SLC4A10: variants seen among roughly 807,000 people sequenced by gnomAD.
SLC4A10 encodes sodium-driven chloride bicarbonate exchanger.
A neutral mutation model predicts 137.7 loss-of-function variants in SLC4A10; 42 were observed. The observed-to-expected ratio is 0.30, with a 90% CI of 0.24 to 0.39. The LOEUF (loss-of-function observed/expected upper bound fraction) is 0.39, where lower values mean the gene tolerates loss of function less well. SLC4A10 is among the 10% of genes least tolerant of loss of function. The probability of loss-of-function intolerance (pLI) is 1.00; values close to 1 mark genes in which losing one functional copy is unlikely to be tolerated. For synonymous variants in SLC4A10, 474 were observed against 464.1 expected (o/e 1.02, Z -0.27); for missense variants, 925 against 1,355.0 (o/e 0.68, Z 4.98).
intron 3 of SLC4A10, among the ~76,000 whole-genome samples, chr2:161,825,100 C>T (rs576029141): frequency 7.6e-4 from 115 of 152,212 alleles, no homozygotes; most frequent in African/African-American, 2.7e-3. Flanking sequence ...ATAATATACA[C>T]ATTATGTGTT....
chr2:161,794,858 G>T (rs549488792), intron 2 of SLC4A10, among the ~76,000 whole-genome samples: 1 of 151,968 alleles, frequency 6.6e-6, no homozygotes, highest in Non-Finnish European at 1.5e-5. Context: ...GAAGAGATGC[G>T]TGTAACTGGC....
chr2:161,805,146 G>A (rs1348372466), intron 3 of SLC4A10, among the ~76,000 whole-genome samples: 1 of 152,150 alleles, frequency 6.6e-6, no homozygotes, highest in Non-Finnish European at 1.5e-5. Flanking sequence ...GGCAAAGAGA[G>A]CTTGTGCAGG....
At chr2:161,741,091 G>A (rs2047833121) in intron 1 of SLC4A10, among the ~76,000 whole-genome samples, 1 of 151,940 alleles carries the variant, frequency 6.6e-6, no homozygotes, top group Admixed American at 6.6e-5. Flanking sequence ...TGGACAACAT[G>A]CTGAAACCGT....
intron 2 of SLC4A10, among the ~76,000 whole-genome samples, chr2:161,775,615 A>T (rs970594535): frequency 6.6e-6 from 1 of 151,876 alleles, no homozygotes; most frequent in Admixed American, 6.6e-5. Flanking sequence ...ACTGAGCCTT[A>T]AACTCCAGGG....
chr2:161,771,682 T>C (rs1241108291), intron 2 of SLC4A10, among the ~76,000 whole-genome samples: 4 of 151,876 alleles, frequency 2.6e-5, no homozygotes, highest in Non-Finnish European at 4.4e-5. Flanking sequence ...TATTTCATAG[T>C]TTTTCTATGA....
chr2:161,757,866 A>T (rs2049838882), intron 1 of SLC4A10, among the ~76,000 whole-genome samples: 1 of 152,140 alleles, frequency 6.6e-6, no homozygotes, highest in Non-Finnish European at 1.5e-5. Context: ...AATAGAAAAA[A>T]TTCCATCATC....
At position 161,905,739 on chromosome 2, in the gene SLC4A10, G is replaced by A; in HGVS notation, c.1849G>A (p.Val617Ile). ...TGTGGCCACAGATGCTAGTTCCCTT[G>A]TCTGCTACATCACTCGGTTTACTGA... ...ILVATDASSL[V>I]CYITRFTEEA... Residue 617 changes from valine (V) to isoleucine (I), a missense_variant, in exon 15 of 27, where the codon GTC (valine) becomes ATC (isoleucine). Coordinates refer to ENST00000446997, the MANE Select transcript of SLC4A10 (RefSeq NM_001178015.2). 1 of 1,613,916 alleles carries A rather than the reference G, an allele frequency of 6.2e-7. No homozygotes were observed. Among genetic ancestry groups the A allele is most frequent in the Non-Finnish European group, 8.5e-7 (1 of 1,179,862 alleles).
chr2:161,884,654 G>C (rs919657506), intron 10 of SLC4A10, among the ~76,000 whole-genome samples: 5 of 152,096 alleles, frequency 3.3e-5, no homozygotes, highest in Admixed American at 2.6e-4. Context: ...TCAGAGCATG[G>C]CTTTAGGTAA....
chr2:161,800,106 T>G (rs2055207339), intron 2 of SLC4A10, among the ~76,000 whole-genome samples: 1 of 152,060 alleles, frequency 6.6e-6, no homozygotes, highest in Non-Finnish European at 1.5e-5. Flanking sequence ...AAAATAAGTG[T>G]CTGCATATCT....
intron 1 of SLC4A10, among the ~76,000 whole-genome samples, chr2:161,675,719 A>T (rs925144263): frequency 7.9e-5 from 12 of 152,286 alleles, no homozygotes; most frequent in African/African-American, 2.9e-4. Context: ...ATTTTCTGTT[A>T]AATGATTTCT....
chr2:161,882,346 C>A lies in SLC4A10; in HGVS notation c.1107-11C>A. 1.3e-6 allele frequency: 2 copies of A among 1,499,484 alleles called. No homozygotes were observed. The highest frequency in any genetic ancestry group is 2.1e-5 in the Admixed American group (1 of 46,522). The allele number at this position is 1,499,484 out of a possible 1,614,324, so 92.9% of individuals were successfully genotyped here. ...TCTACCTTAAAACATTTTTTTTCTT[C>A]TTAATTACAGATTTTTGTTCATTCT... is the stretch of plus-strand genomic sequence containing the variant. On this transcript the variant is annotated splice_polypyrimidine_tract_variant and intron_variant, in intron 9 of 26. Coordinates refer to ENST00000446997, the MANE Select transcript of SLC4A10 (RefSeq NM_001178015.2).
At chr2:161,823,449 A>T (rs145711094) in intron 3 of SLC4A10, among the ~76,000 whole-genome samples, 3 of 152,334 alleles carry the variant, frequency 2.0e-5, no homozygotes, top group Non-Finnish European at 2.9e-5. Context: ...ATTGCCGTAA[A>T]AAGAATGATC....
At chr2:161,778,077 A>T (rs1171483723) in intron 2 of SLC4A10, among the ~76,000 whole-genome samples, 1 of 151,672 alleles carries the variant, frequency 6.6e-6, no homozygotes, top group Non-Finnish European at 1.5e-5. Flanking sequence ...AAGTGCTTAT[A>T]ACATAATTTC....
intron 1 of SLC4A10, among the ~76,000 whole-genome samples, chr2:161,672,709 G>A (rs535589238): frequency 1.3e-5 from 2 of 152,162 alleles, no homozygotes; most frequent in African/African-American, 4.8e-5. Context: ...TGTGTCATAA[G>A]CATTAACCTC....
chr2:161,804,300 C>T (rs2055684653), intron 2 of SLC4A10, 149 bp from the exon 3 acceptor site: 2 of 725,080 alleles, frequency 2.8e-6, no homozygotes, highest in South Asian at 2.4e-5. Flanking sequence ...TGCCAAAAGA[C>T]AGTGCCACGC....
At chr2:161,901,797 G>A (rs1278117840) in intron 12 of SLC4A10, among the ~76,000 whole-genome samples, 1 of 152,052 alleles carries the variant, frequency 6.6e-6, no homozygotes, top group African/African-American at 2.4e-5. Flanking sequence ...CTGAGGAAAT[G>A]TCCTTTAATG....
chr2:161,948,540 A>C (rs923978528), intron 17 of SLC4A10, among the ~76,000 whole-genome samples: 1 of 152,152 alleles, frequency 6.6e-6, no homozygotes, highest in African/African-American at 2.4e-5. Flanking sequence ...TCTTAAAATA[A>C]ACTAGATCTG....
At chr2:161,760,060 A>G (rs1405752564) in intron 1 of SLC4A10, among the ~76,000 whole-genome samples, 1 of 151,902 alleles carries the variant, frequency 6.6e-6, no homozygotes, top group Non-Finnish European at 1.5e-5. Flanking sequence ...TGTGGGCATG[A>G]ATTTTCTTTC....
intron 16 of SLC4A10, among the ~76,000 whole-genome samples, chr2:161,943,526 A>T (rs1693140036): frequency 6.6e-6 from 1 of 151,754 alleles, no homozygotes; most frequent in Non-Finnish European, 1.5e-5. Flanking sequence ...TTTTTCTCAT[A>T]CCTGCATTTC....
Sources: gnomAD v4.1 joint callset for allele counts (sites outside exome capture counted in the v4.1 genomes callset) on GRCh38, gnomAD v4.1.1 for gene constraint, MANE v1.5 for transcripts, NCBI Gene and HGNC (gene_info 2026-07-23, HGNC 2026-07-21) for gene names.